The following ARMC5 variants were observed in gnomAD, a reference collection of about 807,000 sequenced individuals.
The protein encoded by ARMC5 is armadillo repeat-containing protein 5.
In ARMC5, 28 loss-of-function variants were observed where a neutral mutation model predicts 60.5. That is an observed-to-expected ratio of 0.46 (90% CI 0.34 to 0.63). The LOEUF is 0.63. Ranked by LOEUF, ARMC5 falls within the 30% of genes least tolerant of loss-of-function variation. The pLI, the probability that ARMC5 is intolerant of heterozygous loss-of-function variation, is 0.01. For synonymous variants in ARMC5, 680 were observed against 607.3 expected, an observed-to-expected ratio of 1.12 and a Z score of -1.76; for missense variants, 1,189 against 1,304.9, an observed-to-expected ratio of 0.91 and a Z score of 1.37.
At chr16:31,463,200 G>A (rs974897449) in intron 3 of ARMC5, among the ~76,000 whole-genome samples, 2 of 151,942 alleles carry the variant, frequency 1.3e-5, no homozygotes, top group African/African-American at 2.4e-5. Context: ...CTTGGTTCAA[G>A]CAGTTCTCCT....
intron 1 of ARMC5, 83 bp from the exon 2 acceptor site, chr16:31,461,839 C>A: frequency 3.1e-6 from 4 of 1,301,840 alleles, no homozygotes; most frequent in South Asian, 1.2e-5. Flanking sequence ...GCCTTCCAGG[C>A]CCTCTCAGGC....
At chr16:31,459,201 TG>T, upstream of ARMC5, 1 of 1,531,046 alleles carries the variant, frequency 6.5e-7, no homozygotes, top group Non-Finnish European at 8.7e-7. Context: ...GTCGGACTTC[TG>T]GGCTGTTCGG....
Position 31,467,008 on chromosome 16 carries a change from A to G in ARMC5, c.*119A>G, listed in dbSNP as rs2082367402. 2 of 1,261,480 alleles carry G rather than the reference A, an allele frequency of 1.6e-6. No homozygotes were observed. The highest frequency in any genetic ancestry group is 3.1e-5 in the African/African-American group (2 of 65,296). 78.1% of individuals were successfully genotyped at this position (1,261,480 alleles called of 1,614,324 possible). On this transcript the variant is annotated 3_prime_UTR_variant, in exon 6 of 6. Transcript: ENST00000268314. ...GTCATCATGGAGGAGCGGTGAGAAC[A>G]TGGAACCGGACTCCAAGATGACGAT...
chr16:31,465,080 C>T lies in ARMC5; in HGVS notation c.1864+193C>T, dbSNP rs765060724. ...CCATGGGCCCACAGGCAGAGTTCTG[C>T]TGTGTCCTCTGCCCTAGCCCTGGGA... On this transcript the variant is annotated intron_variant, in intron 4 of 5. Transcript: ENST00000268314. 1.9e-6 allele frequency: 3 copies of T among 1,613,934 alleles called. No individual in the cohort carries two copies. In the East Asian group the frequency reaches 6.7e-5, roughly 36 times the overall value.
Position 31,465,945 on chromosome 16 carries a change from C to G in ARMC5, c.1960C>G (p.Arg654Gly). 1 of 1,606,830 alleles carries G rather than the reference C, an allele frequency of 6.2e-7. No homozygotes were observed. The highest frequency in any genetic ancestry group is 8.5e-7 in the Non-Finnish European group (1 of 1,179,782). Residue 654 changes from arginine (R) to glycine (G), a missense_variant, in exon 5 of 6, where the codon CGA becomes GGA. Arg to Gly is a moderately radical substitution (Grantham distance 125). Around this residue, in one of 2 missense-constraint regions of ARMC5, gnomAD observed 862 missense variants for 1,071.2 expected, o/e 0.80. Coordinates refer to ENST00000268314, the MANE Select transcript of ARMC5 (RefSeq NM_001105247.2). ...GCTGCTCTCTGGGAGCCCTGAGGAC[C>G]GAGTGGCCTGCGCGCTGACCCTGCC... The part of the protein sequence containing the change: ...HLLLSGSPED[R>G]VACALTLPFI...
At position 31,459,936 on chromosome 16, in the gene ARMC5, G is replaced by C. The variant is rs2082289152; in HGVS notation, c.412G>C (p.Asp138His). Reference protein sequence around the residue: ...TLDLALSILADCCTEGACRTE... With the variant: ...TLDLALSILAHCCTEGACRTE... ...GGACTTGGCGCTCAGCATCCTAGCC[G>C]ATTGCTGTACGGAAGGGGCGTGCCG... The change falls in exon 1 of 6, where the codon GAT becomes CAT. Residue 138 changes from aspartate (D) to histidine (H), a missense_variant. Physicochemically the swap from Asp to His is moderately conservative, Grantham distance 81. Around this residue, in one of 2 missense-constraint regions of ARMC5, gnomAD observed 327 missense variants for 233.7 expected, o/e 1.40. Coordinates refer to ENST00000268314, the MANE Select transcript of ARMC5 (RefSeq NM_001105247.2). The C allele has an allele frequency of 6.2e-7, 1 of 1,604,834 alleles. No individual in the cohort carries two copies. Among genetic ancestry groups the C allele is most frequent in the African/African-American group, 1.3e-5 (1 of 74,910 alleles).
In ARMC5 at chr16:31,464,329, C is replaced by G; in HGVS notation, c.1371-65C>G. 8.2e-7 allele frequency: 1 copy of G among 1,215,340 alleles called. No individual in the cohort carries two copies. The highest frequency in any genetic ancestry group is 1.1e-6 in the Non-Finnish European group (1 of 888,216). The allele number at this position is 1,215,340 out of a possible 1,614,324, so 75.3% of individuals were successfully genotyped here. On this transcript the variant is annotated intron_variant, in intron 3 of 5. Coordinates refer to ENST00000268314, the MANE Select transcript of ARMC5 (RefSeq NM_001105247.2). The surrounding 1 kb of genome is among the most constrained non-coding windows in gnomAD (Gnocchi z 7.6). ...AAAAAAAAAAAAAGACGCCTCACGCCTCTTGGACTCTGCCCCTTAACCTTG... is the reference window on the plus strand; with the variant it reads ...AAAAAAAAAAAAAGACGCCTCACGCGTCTTGGACTCTGCCCCTTAACCTTG...
chr16:31,461,900 C>G, intron 1 of ARMC5, 22 bp from the exon 2 acceptor site: 1 of 1,607,330 alleles, frequency 6.2e-7, no homozygotes, highest in Non-Finnish European at 8.5e-7. Context: ...AGAACCCTCA[C>G]AAGCCCAAAC....
Position 31,459,886 on chromosome 16 carries a change from C to T in ARMC5, c.362C>T (p.Pro121Leu), listed in dbSNP as rs1388754703. 3 of 1,605,680 alleles carry T rather than the reference C, an allele frequency of 1.9e-6. No homozygotes were observed. Among genetic ancestry groups the T allele is most frequent in the African/African-American group, 1.3e-5 (1 of 75,032 alleles). ...PSAVSSSSPT[P>L]PVRLRKTLDL... ...GCTGTGTCGTCGTCTAGTCCTACGC[C>T]GCCAGTGCGCCTGCGCAAGACGCTG... is the stretch of plus-strand genomic sequence containing the variant. The change falls in exon 1 of 6, where the codon CCG becomes CTG. Residue 121 changes from proline (P) to leucine (L), a missense_variant. By Grantham distance (98) the Pro-to-Leu change is moderately conservative. Coordinates refer to ENST00000268314, the MANE Select transcript of ARMC5 (RefSeq NM_001105247.2).
upstream of ARMC5, chr16:31,459,104 T>TG (rs1319386916): frequency 5.4e-6 from 8 of 1,479,000 alleles, no homozygotes; most frequent in East Asian, 2.5e-5. Context: ...GCACCACCGC[T>TG]GGGGGGCAGC....
Position 31,464,609 on chromosome 16 carries a change from T to TGTC in ARMC5, c.1588_1590dup (p.Ser530dup). 6.3e-7 allele frequency: 1 copy of TGTC among 1,592,846 alleles called. No individual in the cohort carries two copies. The highest frequency in any genetic ancestry group is 8.5e-7 in the Non-Finnish European group (1 of 1,175,644). On this transcript the variant is annotated inframe_insertion, in exon 4 of 6. Transcript: ENST00000268314. The surrounding 1 kb of genome is among the most constrained non-coding windows in gnomAD (Gnocchi z 7.6). ...CGCGAAGGGCCAGCCCTGCTGCTGC[T>TGTC]GTCGCGCTTTTCCCAGGCCCCTGAC...
Position 31,465,524 on chromosome 16 carries a change from C to CATA in ARMC5, c.1865-326_1865-325insATA, listed in dbSNP as rs542716128. ...CTAATGATTAATGATATTCATATAT[C>CATA]TCTAAGATCTATATCTGGTATAACT... On this transcript the variant is annotated intron_variant, in intron 4 of 5. Transcript: ENST00000268314. 7.1e-3 allele frequency: 6,085 copies of CATA among 853,508 alleles called. 306 individuals carry two copies. The African/African-American group carries it at 0.098, about 14-fold the overall frequency. The allele number at this position is 853,508 out of a possible 1,614,324, so 52.9% of individuals were successfully genotyped here.
At chr16:31,463,431 A>G (rs1418257489) in intron 3 of ARMC5, among the ~76,000 whole-genome samples, 1 of 152,052 alleles carries the variant, frequency 6.6e-6, no homozygotes, top group Non-Finnish European at 1.5e-5. Flanking sequence ...CCACGCCAGC[A>G]CCTTTGAACT....
In ARMC5 at chr16:31,459,878, T is replaced by C. The variant is rs374896159; in HGVS notation, c.354T>C (p.Ser118=). The change falls in exon 1 of 6, where the codon AGT becomes AGC. Residue 118 remains serine (S), a synonymous_variant. Transcript: ENST00000268314. ...GPAPSAVSSS[S]PTPPVRLRKT... is the part of the protein sequence containing the mutation. ...CCCCCTCCGCTGTGTCGTCGTCTAG[T>C]CCTACGCCGCCAGTGCGCCTGCGCA... The C allele has an allele frequency of 1.9e-4, 297 of 1,604,782 alleles. No individual in the cohort carries two copies. The highest frequency in any genetic ancestry group is 2.3e-4 in the Non-Finnish European group (270 of 1,179,706).
upstream of ARMC5, chr16:31,458,390 C>T (rs1225198903): frequency 1.3e-6 from 2 of 1,535,450 alleles, no homozygotes; most frequent in Admixed American, 2.0e-5. Context: ...GGCATAGGGC[C>T]GAAGCGATGG....
chr16:31,462,907 C>T lies in ARMC5; in HGVS notation c.1360C>T (p.Arg454Trp), dbSNP rs372473237. ...TGAGCGGGCACAGGGTGGAAGCTTC[C>T]GGAGCCTCAGGTGAGTCCCTGCCTC... ...TPERAQGGSF[R>W]SLRSWLISEG... is the part of the protein sequence containing the mutation. Residue 454 changes from arginine (R) to tryptophan (W), a missense_variant, in exon 3 of 6, where the codon CGG becomes TGG. Physicochemically the swap from Arg to Trp is moderately radical, Grantham distance 101. Around this residue, in one of 2 missense-constraint regions of ARMC5, gnomAD observed 862 missense variants for 1,071.2 expected, o/e 0.80. Coordinates refer to ENST00000268314, the MANE Select transcript of ARMC5 (RefSeq NM_001105247.2). This position sits in a 1 kb window ranked among gnomAD's most constrained non-coding sequence, Gnocchi z 7.2. 7.4e-5 allele frequency: 118 copies of T among 1,591,902 alleles called. 1 individual carries two copies. The highest frequency in any genetic ancestry group is 4.5e-4 in the East Asian group (20 of 44,410).
Position 31,462,380 on chromosome 16 carries a change from G to A in ARMC5, c.833G>A (p.Ser278Asn). 6.2e-7 allele frequency: 1 copy of A among 1,609,474 alleles called. No individual in the cohort carries two copies. Among genetic ancestry groups the A allele is most frequent in the Non-Finnish European group, 8.5e-7 (1 of 1,177,224 alleles). The stretch of plus-strand genomic sequence containing the variant: ...TCCCGGGCCTGTGCTGAGCAGCTAA[G>A]TCTGGGTGGGGGATTGGGCCCACTC... ...GCSRACAEQL[S>N]LGGGLGPLVS... is the part of the protein sequence containing the mutation. Residue 278 changes from serine to asparagine, a missense_variant, in exon 3 of 6, where the codon AGT becomes AAT. Physicochemically the swap from Ser to Asn is conservative, Grantham distance 46. This residue lies in a region of ARMC5 where 862 missense variants were observed against 1,071.2 expected (regional missense o/e 0.80). Transcript: ENST00000268314. This position sits in a 1 kb window ranked among gnomAD's most constrained non-coding sequence, Gnocchi z 7.2.
intron 4 of ARMC5, chr16:31,465,126 A>G: frequency 6.2e-7 from 1 of 1,613,870 alleles, no homozygotes; most frequent in Non-Finnish European, 8.5e-7. Flanking sequence ...CTAACTCTAG[A>G]TGCAGCCCCG....
chr16:31,462,457 A>G lies in ARMC5; in HGVS notation c.910A>G (p.Ile304Val), dbSNP rs558131508. ...GGCAGTACGCGAGGGAACCATTCTG[A>G]TCCTCGCCAACCTGTGTGCCCAGGG... Reference protein sequence around the residue: ...KRAVREGTILILANLCAQGLI... With the variant: ...KRAVREGTILVLANLCAQGLI... The change falls in exon 3 of 6, where the codon ATC (isoleucine) becomes GTC (valine). Residue 304 changes from isoleucine to valine, a missense_variant. Ile to Val is a conservative substitution (Grantham distance 29). Coordinates refer to ENST00000268314, the MANE Select transcript of ARMC5 (RefSeq NM_001105247.2). This position sits in a 1 kb window ranked among gnomAD's most constrained non-coding sequence, Gnocchi z 7.2. 257 of 1,612,540 alleles carry G rather than the reference A, an allele frequency of 1.6e-4. 2 individuals are homozygous for G. The South Asian group carries it at 2.6e-3, about 16-fold the overall frequency.
Sources: allele counts gnomAD v4.1 joint callset (sites outside exome capture counted in the v4.1 genomes callset), GRCh38; gene constraint gnomAD v4.1.1; regional missense constraint gnomAD v4.1.1; non-coding constraint Gnocchi (gnomAD v3.1); transcripts MANE v1.5; gene names NCBI Gene and HGNC (gene_info 2026-07-23, HGNC 2026-07-21).